The following RNF40 variants were observed in gnomAD, a reference collection of about 807,000 sequenced individuals.
RNF40 encodes the protein ring finger protein 40, also known as E3 ubiquitin-protein ligase BRE1B.
In RNF40, 39 loss-of-function variants were observed where a neutral mutation model predicts 123.3. That is an observed-to-expected ratio of 0.32 (90% CI 0.24 to 0.41). The LOEUF is 0.41. Ranked by LOEUF, RNF40 falls within the 10% of genes least tolerant of loss-of-function variation. RNF40 has a pLI of 1.00. For missense variants in RNF40, 1,003 were observed against 1,319.9 expected (o/e 0.76, Z 3.72); for synonymous variants, 538 against 526.0 (o/e 1.02, Z -0.31).
chr16:30,767,781 A>G (rs2054065915), intron 11 of RNF40, 113 bp from the exon 12 acceptor site: 12 of 1,424,018 alleles, frequency 8.4e-6, no homozygotes, highest in South Asian at 4.7e-5. Context: ...TGAGGCCGCA[A>G]TGTTCCCCTC....
chr16:30,769,634 C>T, intron 17 of RNF40, 34 bp downstream of exon 17: 1 of 1,496,014 alleles, frequency 6.7e-7, no homozygotes. Flanking sequence ...ACAGCTTGGG[C>T]TGCTGGCTCA....
rs1002696455 is a variant in RNF40, at chr16:30,766,971, CCTT to C, written c.1429+96_1429+98del. ...CTTATCCAGATGCAAGAGGCTAAGGCCTTTTTTTTCACAGAGCCTCGGCTTCCT... is the reference window on the plus strand; with the variant it reads ...CTTATCCAGATGCAAGAGGCTAAGGCTTTTTTCACAGAGCCTCGGCTTCCT... On this transcript the variant is annotated intron_variant, in intron 11 of 19. Coordinates refer to ENST00000324685, the MANE Select transcript of RNF40 (RefSeq NM_014771.4). The surrounding 1 kb of genome is among the most constrained non-coding windows in gnomAD (Gnocchi z 5.4). The C allele has an allele frequency of 1.4e-6, 2 of 1,459,616 alleles. No homozygotes were observed. The highest frequency in any genetic ancestry group is 2.8e-5 in the African/African-American group (2 of 70,936). The allele number at this position is 1,459,616 out of a possible 1,614,324, so 90.4% of individuals were successfully genotyped here.
upstream of RNF40, chr16:30,761,663 C>G: frequency 6.5e-7 from 1 of 1,535,912 alleles, no homozygotes; most frequent in Non-Finnish European, 8.7e-7. Context: ...GCGATCCTTC[C>G]CCGCTTCCCG....
upstream of RNF40, chr16:30,762,094 T>C (rs1390297264): frequency 2.7e-6 from 1 of 369,340 alleles, no homozygotes; most frequent in Non-Finnish European, 4.9e-6. Flanking sequence ...GGCTGGGAAG[T>C]GGGAGCGCGG....
rs1596734769 is a variant in RNF40 at position 30,762,469 on chromosome 16, C to T, written c.-71-6C>T. 5 of 1,431,182 alleles carry T rather than the reference C, an allele frequency of 3.5e-6. No homozygotes were observed. The highest frequency in any genetic ancestry group is 2.4e-5 in the East Asian group (1 of 41,086). The allele number at this position is 1,431,182 out of a possible 1,614,324, so 88.7% of individuals were successfully genotyped here. A position where few individuals can be genotyped will look rare whatever the true frequency, so the allele number is the denominator to read the frequency against. On this transcript the variant is annotated splice_polypyrimidine_tract_variant and splice_region_variant and intron_variant, in intron 1 of 19. Coordinates refer to ENST00000324685, the MANE Select transcript of RNF40 (RefSeq NM_014771.4). ...TTCCCACATCTCTGCTCTGTGTCTT[C>T]TGCAGGTGACGGAAGTACCGCCTCC...
At position 30,768,449 on chromosome 16, in the gene RNF40, G is replaced by C. The variant is rs771612649; in HGVS notation, c.1898G>C (p.Arg633Thr). The C allele has an allele frequency of 6.2e-7, 1 of 1,612,906 alleles. No individual in the cohort carries two copies. The highest frequency in any genetic ancestry group is 8.5e-7 in the Non-Finnish European group (1 of 1,179,418). Residue 633 changes from arginine (R) to threonine (T), a missense_variant, in exon 13 of 20, where the codon AGG becomes ACG. Coordinates refer to ENST00000324685, the MANE Select transcript of RNF40 (RefSeq NM_014771.4). The surrounding 1 kb of genome is among the most constrained non-coding windows in gnomAD (Gnocchi z 4.1). ...CCACCTGTAGCCTCCGCTCTCTCAAGGGCTGATCGGGAGAAGGCCAAGGTG... is the reference window on the plus strand; with the variant it reads ...CCACCTGTAGCCTCCGCTCTCTCAACGGCTGATCGGGAGAAGGCCAAGGTG... Reference protein sequence around the residue: ...GPPPVASALSRADREKAKVEE... With the variant: ...GPPPVASALSTADREKAKVEE...
At chr16:30,771,624 C>T (rs956987742) in intron 17 of RNF40, among the ~76,000 whole-genome samples, 4 of 150,292 alleles carry the variant, frequency 2.7e-5, no homozygotes, top group African/African-American at 9.7e-5. Flanking sequence ...CTCAAAAAAA[C>T]AAAAAACAAA....
rs1287102678 is a variant in RNF40 at position 30,769,520 on chromosome 16, C to T, written c.2506C>T (p.Arg836Ter). ...TGTGCAGAAGCTAGAGGAGAAGGAG[C>T]GAGCCTTGCAGGGCAGCCTCGGGGG... ...LTVQKLEEKE[R>*]ALQGSLGGVE... Residue 836 changes from arginine (R) to a stop codon, truncating the protein, a stop_gained, in exon 17 of 20, where the codon CGA (arginine) becomes TGA (stop). Transcript: ENST00000324685. LOFTEE classifies it high-confidence loss of function. 4 of 1,612,992 alleles carry T rather than the reference C, an allele frequency of 2.5e-6. No homozygotes were observed. Among genetic ancestry groups the T allele is most frequent in the Admixed American group, 1.7e-5 (1 of 59,944 alleles).
At chr16:30,764,811 G>A in intron 5 of RNF40, 127 bp from the exon 6 acceptor site, 1 of 1,362,020 alleles carries the variant, frequency 7.3e-7, no homozygotes, top group East Asian at 2.3e-5. Flanking sequence ...AAAGACTCCT[G>A]GCTTTGTCAT....
chr16:30,762,634 C>T lies in RNF40; in HGVS notation c.89C>T (p.Thr30Met). The T allele has an allele frequency of 6.2e-7, 1 of 1,612,700 alleles. No homozygotes were observed. The highest frequency in any genetic ancestry group is 8.5e-7 in the Non-Finnish European group (1 of 1,179,802). Residue 30 changes from threonine to methionine, a missense_variant, in exon 2 of 20, where the codon ACG becomes ATG. By Grantham distance (81) the Thr-to-Met change is moderately conservative. Around this residue, in one of 11 missense-constraint regions of RNF40, gnomAD observed 51 missense variants for 56.2 expected, o/e 0.91. Coordinates refer to ENST00000324685, the MANE Select transcript of RNF40 (RefSeq NM_014771.4). ...CTGAGTCGTGAGGAGAAGACCACCA[C>T]GACTCTTATCGAGCCCATTCGTCTT... ...KKLSREEKTT[T>M]TLIEPIRLGG...
rs1443420567 is a variant in RNF40 at position 30,766,794 on chromosome 16, G to A, written c.1347G>A (p.Glu449=). ...TACGCACAGAGGTCATTCAGCTGGA[G>A]GACACGCTGGCCCAGGTACGCAAGG... is the stretch of plus-strand genomic sequence containing the variant. The part of the protein sequence containing the change: ...KKLRTEVIQL[E]DTLAQVRKEY... The change falls in exon 11 of 20, where the codon GAG becomes GAA. Residue 449 remains glutamate, a synonymous_variant. Coordinates refer to ENST00000324685, the MANE Select transcript of RNF40 (RefSeq NM_014771.4). This position sits in a 1 kb window ranked among gnomAD's most constrained non-coding sequence, Gnocchi z 5.4. 2 of 1,613,962 alleles carry A rather than the reference G, an allele frequency of 1.2e-6. No homozygotes were observed. The highest frequency in any genetic ancestry group is 2.7e-5 in the African/African-American group (2 of 74,928).
At chr16:30,773,766 C>A in intron 19 of RNF40, 172 bp from the exon 20 acceptor site, 1 of 593,734 alleles carries the variant, frequency 1.7e-6, no homozygotes, top group Non-Finnish European at 2.9e-6. Flanking sequence ...AGACCTTGGC[C>A]TCTGCACCTC....
At chr16:30,762,224 A>G (rs1254206928), upstream of RNF40, 1 of 368,608 alleles carries the variant, frequency 2.7e-6, no homozygotes, top group African/African-American at 2.1e-5. Flanking sequence ...CAGAAGATAA[A>G]GAAGTTTCCT....
chr16:30,767,054 C>G (rs955004286), intron 11 of RNF40, among the ~76,000 whole-genome samples, 178 bp downstream of exon 11: 4 of 152,178 alleles, frequency 2.6e-5, no homozygotes, highest in African/African-American at 9.6e-5. Context: ...GGTCCGCCAG[C>G]TGGGGTGGCT....
At chr16:30,770,150 G>A (rs989555143) in intron 17 of RNF40, among the ~76,000 whole-genome samples, 34 of 43,548 alleles carry the variant, frequency 7.8e-4, no homozygotes, top group Admixed American at 4.4e-3. Flanking sequence ...TCTGTCGCCC[G>A]GGCTGGAGTG....
rs778397193 is a variant in RNF40, at chr16:30,769,591, C to T, written c.2577C>T (p.Asn859=). 1.9e-6 allele frequency: 3 copies of T among 1,584,062 alleles called. No individual in the cohort carries two copies. Among genetic ancestry groups the T allele is most frequent in the Non-Finnish European group, 2.6e-6 (3 of 1,164,978 alleles). The change falls in exon 17 of 20, where the codon AAC becomes AAT. Residue 859 remains asparagine, a synonymous_variant. Coordinates refer to ENST00000324685, the MANE Select transcript of RNF40 (RefSeq NM_014771.4). ...LTLRSQALEL[N]KRKAVEAAQL... is the part of the protein sequence containing the mutation. ...TGCGCAGCCAAGCCCTGGAGCTCAA[C>T]AAGCGGAAGGTGAGGCTGGGCCAGG...
chr16:30,771,693 G>A (rs2054150922), intron 17 of RNF40, 140 bp from the exon 18 acceptor site: 2 of 854,316 alleles, frequency 2.3e-6, no homozygotes, highest in Non-Finnish European at 3.5e-6. Flanking sequence ...AGGAGGGGAG[G>A]GCTTAGGGCT....
chr16:30,768,256 G>A lies in RNF40; in HGVS notation c.1705G>A (p.Gly569Ser). ...DNRKEMAPVP[G>S]TTTTTTSVKK... ...CAGAAAGGAGATGGCTCCAGTGCCT[G>A]GCACCACCACTACTACCACTTCAGT... The change falls in exon 13 of 20, where the codon GGC becomes AGC. Residue 569 changes from glycine (G) to serine (S), a missense_variant. By Grantham distance (56) the Gly-to-Ser change is moderately conservative. Coordinates refer to ENST00000324685, the MANE Select transcript of RNF40 (RefSeq NM_014771.4). The surrounding 1 kb of genome is among the most constrained non-coding windows in gnomAD (Gnocchi z 4.1). The A allele has an allele frequency of 6.2e-7, 1 of 1,613,902 alleles. No homozygotes were observed. The highest frequency in any genetic ancestry group is 8.5e-7 in the Non-Finnish European group (1 of 1,180,014).
chr16:30,762,437 C>T (rs2053870646), intron 1 of RNF40, 38 bp from the exon 2 acceptor site: 15 of 1,203,148 alleles, frequency 1.2e-5, no homozygotes, highest in Non-Finnish European at 1.7e-5. Context: ...CTGTGGAACA[C>T]CAGCCGTTCC....
Sources: gnomAD v4.1 joint callset for allele counts (sites outside exome capture counted in the v4.1 genomes callset) on GRCh38, gnomAD v4.1.1 for gene constraint, gnomAD v4.1.1 regional missense constraint, Gnocchi (gnomAD v3.1) non-coding constraint, MANE v1.5 for transcripts, NCBI Gene and HGNC (gene_info 2026-07-23, HGNC 2026-07-21) for gene names.